Variants in BNC2 observed in about 807,000 individuals in gnomAD.
The protein encoded by BNC2 is basonuclin zinc finger protein 2, also known as zinc finger protein basonuclin-2.
BNC2 carries 20 observed loss-of-function variants against 76.3 expected under a neutral mutation model. The ratio of observed to expected loss-of-function variants is 0.26; its 90% CI spans 0.18 to 0.38. BNC2 has a LOEUF of 0.38. Ranked by LOEUF, BNC2 falls within the 10% of genes least tolerant of loss-of-function variation. The pLI is 1.00. For missense variants in BNC2, 1,382 were observed against 1,399.8 expected, an observed-to-expected ratio of 0.99 and a Z score of 0.20; for synonymous variants, 582 against 514.8, an observed-to-expected ratio of 1.13 and a Z score of -1.77.
chr9:16,547,857 C>T (rs1295898247), intron 5 of BNC2, among the ~76,000 whole-genome samples: 1 of 152,108 alleles, frequency 6.6e-6, no homozygotes, highest in East Asian at 1.9e-4. Flanking sequence ...CTTACAGGCT[C>T]GTACCCTAGA....
Position 16,861,181 on chromosome 9 carries a change from A to AATATATATATATATATATAT in BNC2, c.3+9445_3+9464dup, listed in dbSNP as rs71327866. Among the ~76,000 whole-genome samples the AATATATATATATATATATAT allele has an allele frequency of 5.5e-4, 72 of 131,748 alleles. 2 individuals are homozygous for AATATATATATATATATATAT. Among genetic ancestry groups the AATATATATATATATATATAT allele is most frequent in the African/African-American group, 1.2e-3 (39 of 32,118 alleles). The allele number at this position is 131,748 out of a possible 152,430, so 86.4% of individuals were successfully genotyped here. ...ACATGGTAATACCCTATCTCTACAA[A>AATATATATATATATATATAT]ATATATATATATATATATATAAATT... On this transcript the variant is annotated intron_variant, in intron 1 of 6. Transcript: ENST00000380672.
chr9:16,861,052 A>G (rs1819394127), intron 1 of BNC2, among the ~76,000 whole-genome samples: 1 of 148,728 alleles, frequency 6.7e-6, no homozygotes, highest in Non-Finnish European at 1.5e-5. Flanking sequence ...AAAAAAAAAG[A>G]CAGCTGCGCA....
intron 1 of BNC2, among the ~76,000 whole-genome samples, chr9:16,835,877 C>A (rs1292720284): frequency 2.0e-5 from 3 of 152,142 alleles, no homozygotes; most frequent in Non-Finnish European, 2.9e-5. Context: ...TGTTTTTTCC[C>A]AGACTTACCA....
chr9:16,584,470 C>T (rs1819715452), intron 3 of BNC2, among the ~76,000 whole-genome samples: 1 of 152,076 alleles, frequency 6.6e-6, no homozygotes. Context: ...ATCTATGGAT[C>T]CCTATTGGTT....
chr9:16,706,968 C>T (rs1823692593), intron 3 of BNC2, among the ~76,000 whole-genome samples: 1 of 152,138 alleles, frequency 6.6e-6, no homozygotes, highest in South Asian at 2.1e-4. Flanking sequence ...TTTGGGAGGC[C>T]GAGACGGGCG....
intron 3 of BNC2, among the ~76,000 whole-genome samples, chr9:16,614,958 TAAAAAAAAAAAAAAAAAAAAAAAAAAAAA>T (rs60545823): frequency 0.041 from 2,555 of 62,522 alleles, 182 homozygotes; most frequent in African/African-American, 0.16. Context: ...TCTGTCTCTT[TAAAAAAAAAAAAAAAAAAAAAAAAAAAAA>T]AAAAAAAAAA....
chr9:16,728,469 GCTTT>G (rs1449183674), intron 2 of BNC2, among the ~76,000 whole-genome samples: 2 of 152,040 alleles, frequency 1.3e-5, no homozygotes, highest in Non-Finnish European at 1.5e-5. Flanking sequence ...TCTCAACAAT[GCTTT>G]CTGATATAAC....
chr9:16,859,651 G>C (rs1244668252), intron 1 of BNC2, among the ~76,000 whole-genome samples: 3 of 152,182 alleles, frequency 2.0e-5, no homozygotes, highest in Non-Finnish European at 4.4e-5. Flanking sequence ...GGCATCTAAA[G>C]TAGGCAAACT....
intron 5 of BNC2, among the ~76,000 whole-genome samples, chr9:16,465,450 A>AC (rs1475576742): frequency 6.6e-6 from 1 of 151,466 alleles, no homozygotes; most frequent in African/African-American, 2.4e-5. Flanking sequence ...AAAAAAAAAA[A>AC]AAGGGTTAAT....
At chr9:16,821,043 G>C (rs867864211) in intron 1 of BNC2, among the ~76,000 whole-genome samples, 12 of 151,944 alleles carry the variant, frequency 7.9e-5, no homozygotes, top group African/African-American at 2.9e-4. Context: ...GACCAGCCTG[G>C]CCAACATGGT....
At chr9:16,605,523 C>G (rs1285062775) in intron 3 of BNC2, among the ~76,000 whole-genome samples, 1 of 152,248 alleles carries the variant, frequency 6.6e-6, no homozygotes, top group Non-Finnish European at 1.5e-5. Flanking sequence ...CACCTCTAAG[C>G]TTCAACATTT....
At chr9:16,564,136 T>C (rs1819097351) in intron 4 of BNC2, among the ~76,000 whole-genome samples, 1 of 152,164 alleles carries the variant, frequency 6.6e-6, no homozygotes, top group African/African-American at 2.4e-5. Flanking sequence ...CCAGTGTTTT[T>C]AAAAGATGCT....
At chr9:16,828,728 G>A (rs1818508419) in intron 1 of BNC2, among the ~76,000 whole-genome samples, 3 of 152,140 alleles carry the variant, frequency 2.0e-5, no homozygotes, top group Admixed American at 2.0e-4. Flanking sequence ...TCCTGATCCC[G>A]TTGACTTTTG....
intron 2 of BNC2, 31 bp from the exon 3 acceptor site, chr9:16,728,028 CT>C (rs1824400778): frequency 6.3e-7 from 1 of 1,595,728 alleles, no homozygotes; most frequent in Non-Finnish European, 8.5e-7. Flanking sequence ...TTTTGAGCCT[CT>C]TGGCAGCCAG....
chr9:16,425,511 A>G (rs1033031922), intron 6 of BNC2, among the ~76,000 whole-genome samples: 4 of 152,154 alleles, frequency 2.6e-5, no homozygotes, highest in Admixed American at 2.6e-4. Flanking sequence ...TTTGCAGGGG[A>G]AGCAATGTAT....
chr9:16,806,732 A>G (rs1330729056), intron 1 of BNC2, among the ~76,000 whole-genome samples: 1 of 152,238 alleles, frequency 6.6e-6, no homozygotes, highest in Non-Finnish European at 1.5e-5. Flanking sequence ...AAGAAACTAC[A>G]GTCTCCCTAT....
chr9:16,671,622 T>C (rs886920660), intron 3 of BNC2, among the ~76,000 whole-genome samples: 1 of 152,242 alleles, frequency 6.6e-6, no homozygotes, highest in African/African-American at 2.4e-5. Context: ...ATACAGCTCA[T>C]ACTGTTTACT....
At chr9:16,519,208 A>C (rs1817541153) in intron 5 of BNC2, among the ~76,000 whole-genome samples, 2 of 152,152 alleles carry the variant, frequency 1.3e-5, no homozygotes, top group African/African-American at 4.8e-5. Flanking sequence ...TGCATGATAA[A>C]TCCCAGTGCA....
At chr9:16,869,414 TG>T (rs1819621061) in intron 1 of BNC2, among the ~76,000 whole-genome samples, 2 of 72,784 alleles carry the variant, frequency 2.7e-5, no homozygotes, top group African/African-American at 1.8e-4. Flanking sequence ...CTCTTGCTTT[TG>T]TGTGTGTGTG....
Sources: gnomAD v4.1 joint callset for allele counts (sites outside exome capture counted in the v4.1 genomes callset) on GRCh38, gnomAD v4.1.1 for gene constraint, MANE v1.5 for transcripts, NCBI Gene and HGNC (gene_info 2026-07-23, HGNC 2026-07-21) for gene names.